Variants in GLG1 observed in about 807,000 individuals in gnomAD.
GLG1 encodes the protein Golgi apparatus protein 1.
Under a neutral mutation model 160.5 loss-of-function variants are expected in GLG1, and 38 were observed. The observed-to-expected ratio is 0.24, with a 90% CI of 0.18 to 0.31. The LOEUF is 0.31. GLG1 is among the 10% of genes least tolerant of loss of function. The pLI, the probability that GLG1 is intolerant of heterozygous loss-of-function variation, is 1.00. For synonymous variants in GLG1, 644 were observed against 543.4 expected (o/e 1.19, Z -2.57); for missense variants, 1,373 against 1,505.2 (o/e 0.91, Z 1.45).
Position 74,469,975 on chromosome 16 carries a change from A to G in GLG1, c.2318+10T>C. ...GGGAAAGTGGAATGAAACAACTACA[A>G]GCTACATACTTCTTTTTTATGTTTG... On this transcript the variant is annotated intron_variant, in intron 16 of 25. Transcript: ENST00000422840. The G allele has an allele frequency of 1.3e-6, 2 of 1,507,846 alleles. No individual in the cohort carries two copies. Among genetic ancestry groups the G allele is most frequent in the South Asian group, 1.1e-5 (1 of 89,022 alleles). The allele number at this position is 1,507,846 out of a possible 1,614,324, so 93.4% of individuals were successfully genotyped here. A position where few individuals can be genotyped will look rare whatever the true frequency, so the allele number is the denominator to read the frequency against.
chr16:74,513,210 AG>A (rs2143515702), intron 2 of GLG1, among the ~76,000 whole-genome samples: 1 of 152,320 alleles, frequency 6.6e-6, no homozygotes, highest in Non-Finnish European at 1.5e-5. Flanking sequence ...GGATTTAGGG[AG>A]GTTAGTAGAC....
chr16:74,598,522 A>G (rs1046715894), intron 1 of GLG1, among the ~76,000 whole-genome samples: 1 of 151,266 alleles, frequency 6.6e-6, no homozygotes, highest in Non-Finnish European at 1.5e-5. Flanking sequence ...TCCATCTCAA[A>G]AAAAAAAAGA....
chr16:74,497,330 G>A (rs2016230936), intron 4 of GLG1, among the ~76,000 whole-genome samples: 1 of 150,148 alleles, frequency 6.7e-6, no homozygotes, highest in Non-Finnish European at 1.5e-5. Context: ...AACCACATCG[G>A]CTCAAAGTTC....
rs907172708 is a variant in GLG1, at chr16:74,494,909, G to A, written c.979-78C>T. ...AACATTATCCACAATCTCATATAGA[G>A]CTTTCTATTAAACGATTATAATCGT... On this transcript the variant is annotated intron_variant, in intron 5 of 25. Transcript: ENST00000422840. 3 of 742,892 alleles carry A rather than the reference G, an allele frequency of 4.0e-6. No homozygotes were observed. In the African/African-American group the frequency reaches 5.2e-5, roughly 13 times the overall value. The allele number at this position is 742,892 out of a possible 1,614,324, so 46.0% of individuals were successfully genotyped here. A position where few individuals can be genotyped will look rare whatever the true frequency, so the allele number is the denominator to read the frequency against.
At chr16:74,505,753 G>C (rs1036075156) in intron 3 of GLG1, among the ~76,000 whole-genome samples, 1 of 152,222 alleles carries the variant, frequency 6.6e-6, no homozygotes, top group Admixed American at 6.5e-5. Flanking sequence ...TACTTGGAAG[G>C]CTGAGGCAGG....
At chr16:74,593,636 C>G (rs374103508) in intron 1 of GLG1, among the ~76,000 whole-genome samples, 1 of 151,766 alleles carries the variant, frequency 6.6e-6, no homozygotes, top group African/African-American at 2.4e-5. Flanking sequence ...GGTTTCACCA[C>G]GTTGGCCAGG....
In GLG1 at chr16:74,498,448, G is replaced by GTGTATATATATATATATA. The variant is rs1491436581; in HGVS notation, c.775-1805_775-1804insTATATATATATATATACA. Among the ~76,000 whole-genome samples the GTGTATATATATATATATA allele has an allele frequency of 1.0e-3, 25 of 24,048 alleles. 2 individuals are homozygous for GTGTATATATATATATATA. Among genetic ancestry groups the GTGTATATATATATATATA allele is most frequent in the South Asian group, 2.1e-3 (1 of 468 alleles). 15.8% of individuals were successfully genotyped at this position (24,048 alleles called of 152,430 possible). On this transcript the variant is annotated intron_variant, in intron 4 of 25. Transcript: ENST00000422840. ...GGCTCTGTCTCAAAAAAAAAAAAAA[G>GTGTATATATATATATATA]TATATATATATATATATATTATATT...
intron 2 of GLG1, among the ~76,000 whole-genome samples, chr16:74,530,970 T>C (rs1281717171): frequency 6.6e-6 from 1 of 152,242 alleles, no homozygotes; most frequent in African/African-American, 2.4e-5. Flanking sequence ...GCATTTTCTA[T>C]TAACAAATAT....
At chr16:74,585,114 G>C (rs1021925793) in intron 1 of GLG1, among the ~76,000 whole-genome samples, 1 of 76,760 alleles carries the variant, frequency 1.3e-5, no homozygotes, top group Non-Finnish European at 2.5e-5. Context: ...AAAACTCTAA[G>C]TAAAATTGAC....
intron 1 of GLG1, among the ~76,000 whole-genome samples, chr16:74,601,747 A>C (rs1248928238): frequency 6.6e-6 from 1 of 152,228 alleles, no homozygotes; most frequent in Non-Finnish European, 1.5e-5. Context: ...ACTTCAATGC[A>C]CTGTTACAAC....
chr16:74,472,034 A>T (rs1418969670), intron 14 of GLG1, among the ~76,000 whole-genome samples: 1 of 152,070 alleles, frequency 6.6e-6, no homozygotes, highest in Non-Finnish European at 1.5e-5. Context: ...CCCCCTAGGT[A>T]ACTGGAACTA....
chr16:74,517,753 T>TAA (rs945068600), intron 2 of GLG1, among the ~76,000 whole-genome samples: 2 of 152,114 alleles, frequency 1.3e-5, no homozygotes, highest in African/African-American at 4.8e-5. Flanking sequence ...AGAGAAGAAG[T>TAA]CAAATTGTCC....
intron 1 of GLG1, among the ~76,000 whole-genome samples, chr16:74,532,431 T>A (rs1265501745): frequency 2.0e-5 from 3 of 152,150 alleles, no homozygotes; most frequent in Admixed American, 1.3e-4. Context: ...GCTAAAGCAA[T>A]AAATAAAGCA....
intron 1 of GLG1, among the ~76,000 whole-genome samples, chr16:74,581,184 T>C (rs1957930391): frequency 6.6e-6 from 1 of 152,178 alleles, no homozygotes; most frequent in Admixed American, 6.5e-5. Context: ...AAAGAGATAT[T>C]TGTATACCCA....
At chr16:74,532,717 G>A (rs1435305355) in intron 1 of GLG1, among the ~76,000 whole-genome samples, 2 of 151,820 alleles carry the variant, frequency 1.3e-5, no homozygotes, top group East Asian at 1.9e-4. Context: ...TTATAGAGAC[G>A]GGGTTTCACT....
At chr16:74,513,812 C>T (rs2016888558) in intron 2 of GLG1, among the ~76,000 whole-genome samples, 1 of 152,090 alleles carries the variant, frequency 6.6e-6, no homozygotes, top group African/African-American at 2.4e-5. Flanking sequence ...CAGAAGTAGG[C>T]TTCAGAAGGT....
chr16:74,503,070 G>T (rs2016468374), intron 4 of GLG1, among the ~76,000 whole-genome samples: 1 of 151,900 alleles, frequency 6.6e-6, no homozygotes. Context: ...AGCCAGGCGT[G>T]GTGGTGCATG....
chr16:74,490,871 G>C lies in GLG1; in HGVS notation c.1449+130C>G, dbSNP rs948059301. On this transcript the variant is annotated intron_variant, in intron 8 of 25. Coordinates refer to ENST00000422840, the MANE Select transcript of GLG1 (RefSeq NM_001145667.2). ...CCTGAAGAAGCAACGTTCAGTCTCTGATCATTAGTACCTAATGTTCAATGT... is the reference window on the plus strand; with the variant it reads ...CCTGAAGAAGCAACGTTCAGTCTCTCATCATTAGTACCTAATGTTCAATGT... 75 of 660,658 alleles carry C rather than the reference G, an allele frequency of 1.1e-4. 1 individual carries two copies. In the Admixed American group the frequency reaches 1.5e-3, roughly 13 times the overall value. The allele number at this position is 660,658 out of a possible 1,614,324, so 40.9% of individuals were successfully genotyped here.
At chr16:74,596,932 C>T (rs929273271) in intron 1 of GLG1, among the ~76,000 whole-genome samples, 4 of 152,074 alleles carry the variant, frequency 2.6e-5, no homozygotes, top group South Asian at 2.1e-4. Context: ...GCCTGGACAA[C>T]AGAGTGAGAC....
Sources: gnomAD v4.1 joint callset for allele counts (sites outside exome capture counted in the v4.1 genomes callset) on GRCh38, gnomAD v4.1.1 for gene constraint, MANE v1.5 for transcripts, NCBI Gene and HGNC (gene_info 2026-07-23, HGNC 2026-07-21) for gene names.